The following PDE3A variants were observed in gnomAD, a reference collection of about 807,000 sequenced individuals.
The protein encoded by PDE3A is cGMP-inhibited 3',5'-cyclic phosphodiesterase 3A.
In PDE3A, 43 loss-of-function variants were observed where a neutral mutation model predicts 98.3. The observed-to-expected ratio is 0.44, with a 90% CI of 0.34 to 0.56. The LOEUF is 0.56. Ranked by LOEUF, PDE3A falls within the 20% of genes least tolerant of loss-of-function variation. The probability of loss-of-function intolerance (pLI) is 0.01; values close to 1 mark genes in which losing one functional copy is unlikely to be tolerated. For synonymous variants in PDE3A, 663 were observed against 567.9 expected (o/e 1.17, Z -2.38); for missense variants, 1,427 against 1,440.7 (o/e 0.99, Z 0.15).
rs146473366 is a variant in PDE3A, at chr12:20,429,848, C to G, written c.960+59604C>G. Among the ~76,000 whole-genome samples the G allele has an allele frequency of 2.7e-3, 393 of 143,236 alleles. 2 individuals carry two copies. Among genetic ancestry groups the G allele is most frequent in the Non-Finnish European group, 4.7e-3 (310 of 65,542 alleles). 94.0% of individuals were successfully genotyped at this position (143,236 alleles called of 152,430 possible). A position where few individuals can be genotyped will look rare whatever the true frequency, so the allele number is the denominator to read the frequency against. ...AACATCAAATCCATGTTCCATACAT[C>G]TTAGACACTGATTTTTTTTTTTATG... is the stretch of plus-strand genomic sequence containing the variant. On this transcript the variant is annotated intron_variant, in intron 1 of 15. Transcript: ENST00000359062.
At chr12:20,650,653 A>G in intron 14 of PDE3A, 53 bp downstream of exon 14, 1 of 1,164,390 alleles carries the variant, frequency 8.6e-7, no homozygotes, top group Non-Finnish European at 1.2e-6. Context: ...GTTGCTCATG[A>G]ATTGCTCAAA....
chr12:20,375,191 C>A (rs1294290162), intron 1 of PDE3A, among the ~76,000 whole-genome samples: 1 of 151,942 alleles, frequency 6.6e-6, no homozygotes, highest in Non-Finnish European at 1.5e-5. Flanking sequence ...TCTGAAGACC[C>A]TCAGAAAGTC....
At chr12:20,495,550 C>T (rs1207594584) in intron 1 of PDE3A, among the ~76,000 whole-genome samples, 1 of 151,940 alleles carries the variant, frequency 6.6e-6, no homozygotes, top group Non-Finnish European at 1.5e-5. Flanking sequence ...ATTAAGTTTT[C>T]AAAAACATTT....
rs928331664 is a variant in PDE3A, at chr12:20,439,445, A to T, written c.960+69201A>T. On this transcript the variant is annotated intron_variant, in intron 1 of 15. Coordinates refer to ENST00000359062, the MANE Select transcript of PDE3A (RefSeq NM_000921.5). Reference sequence around the variant, plus strand: ...GATTCTTTATATGCATGAAAGGGGAAATTATCATTATTTCTTAATAGTCTT... The same window carrying T: ...GATTCTTTATATGCATGAAAGGGGATATTATCATTATTTCTTAATAGTCTT... Among the ~76,000 whole-genome samples, 3 of 152,146 alleles carry T rather than the reference A, an allele frequency of 2.0e-5. No individual in the cohort carries two copies. In the East Asian group the frequency reaches 5.8e-4, roughly 29 times the overall value.
Position 20,370,009 on chromosome 12 carries a change from A to C in PDE3A, c.725A>C (p.Tyr242Ser). The C allele has an allele frequency of 6.2e-7, 1 of 1,612,920 alleles. No homozygotes were observed. Among genetic ancestry groups the C allele is most frequent in the Non-Finnish European group, 8.5e-7 (1 of 1,179,936 alleles). ...GTCGCCTGGAGACCTTACCTGGCGTACCTGGCCGGCGTGCTGGGGATCCTC... is the reference window on the plus strand; with the variant it reads ...GTCGCCTGGAGACCTTACCTGGCGTCCCTGGCCGGCGTGCTGGGGATCCTC... ...FKVAWRPYLA[Y>S]LAGVLGILLA... Residue 242 changes from tyrosine to serine, a missense_variant, in exon 1 of 16, where the codon TAC (tyrosine) becomes TCC (serine). Coordinates refer to ENST00000359062, the MANE Select transcript of PDE3A (RefSeq NM_000921.5).
intron 7 of PDE3A, among the ~76,000 whole-genome samples, chr12:20,634,133 T>A (rs777722578): frequency 6.6e-6 from 1 of 152,168 alleles, no homozygotes; most frequent in South Asian, 2.1e-4. Flanking sequence ...TTTATACATG[T>A]GTATATTTTT....
intron 15 of PDE3A, among the ~76,000 whole-genome samples, chr12:20,677,132 T>A (rs2120472367): frequency 6.6e-6 from 1 of 152,292 alleles, no homozygotes; most frequent in East Asian, 1.9e-4. Flanking sequence ...TTGTTAAAAC[T>A]TTTGAATGTA....
Position 20,482,638 on chromosome 12 carries a change from T to C in PDE3A, c.961-74022T>C, listed in dbSNP as rs182424284. ...GTTTTAGAGATAAGCACTTCTCAAC[T>C]TCTAACATAAAAAGAGAAGCTGGTG... On this transcript the variant is annotated intron_variant, in intron 1 of 15. Coordinates refer to ENST00000359062, the MANE Select transcript of PDE3A (RefSeq NM_000921.5). 2.0e-3 allele frequency among the ~76,000 whole-genome samples: 308 copies of C among 152,326 alleles called. 1 individual carries two copies. The highest frequency in any genetic ancestry group is 7.2e-3 in the South Asian group (35 of 4,828).
At chr12:20,604,882 T>G (rs993335646) in intron 2 of PDE3A, among the ~76,000 whole-genome samples, 4 of 152,170 alleles carry the variant, frequency 2.6e-5, no homozygotes, top group African/African-American at 9.7e-5. Flanking sequence ...ATATTTCATA[T>G]TTCATTGTAC....
At chr12:20,445,301 A>G (rs1464898693) in intron 1 of PDE3A, among the ~76,000 whole-genome samples, 1 of 152,170 alleles carries the variant, frequency 6.6e-6, no homozygotes, top group Non-Finnish European at 1.5e-5. Context: ...TTCACATCTT[A>G]AGGGAAATGA....
At chr12:20,557,432 G>T (rs1038635630) in intron 2 of PDE3A, among the ~76,000 whole-genome samples, 1 of 152,110 alleles carries the variant, frequency 6.6e-6, no homozygotes, top group African/African-American at 2.4e-5. Context: ...TTCTCTCATG[G>T]CAGGCTATGG....
intron 1 of PDE3A, among the ~76,000 whole-genome samples, chr12:20,465,336 C>G (rs1945323027): frequency 6.6e-6 from 1 of 152,122 alleles, no homozygotes. Context: ...TCTACCAACT[C>G]CCCAAGCTAA....
At chr12:20,659,962 A>G (rs1945125717) in intron 15 of PDE3A, among the ~76,000 whole-genome samples, 1 of 152,190 alleles carries the variant, frequency 6.6e-6, no homozygotes, top group African/African-American at 2.4e-5. Flanking sequence ...GTAAAGAGAA[A>G]AGTCCATATA....
At chr12:20,379,104 C>T (rs1344777066) in intron 1 of PDE3A, among the ~76,000 whole-genome samples, 2 of 151,732 alleles carry the variant, frequency 1.3e-5, no homozygotes, top group Admixed American at 6.6e-5. Context: ...GTTTCCTCCT[C>T]TCCAGGTATA....
intron 6 of PDE3A, among the ~76,000 whole-genome samples, chr12:20,633,265 C>T (rs1944423161): frequency 1.3e-5 from 2 of 152,000 alleles, no homozygotes; most frequent in Admixed American, 1.3e-4. Context: ...CAGCCTGGCC[C>T]ATAATGAGGC....
At chr12:20,597,072 G>A (rs974824467) in intron 2 of PDE3A, among the ~76,000 whole-genome samples, 1 of 152,116 alleles carries the variant, frequency 6.6e-6, no homozygotes, top group African/African-American at 2.4e-5. Context: ...AACCTTTTGT[G>A]TGCACTGCTT....
intron 1 of PDE3A, among the ~76,000 whole-genome samples, chr12:20,517,441 T>G (rs964156755): frequency 5.3e-5 from 8 of 152,206 alleles, no homozygotes; most frequent in African/African-American, 1.9e-4. Flanking sequence ...AAAAATGTTG[T>G]GTGATTATTG....
chr12:20,556,833 G>A, intron 2 of PDE3A, 123 bp downstream of exon 2: 1 of 749,948 alleles, frequency 1.3e-6, no homozygotes, highest in Middle Eastern at 2.3e-4. Context: ...CATGCCATTT[G>A]TTTTTATTTA....
chr12:20,668,641 G>C (rs1409737046), intron 15 of PDE3A, among the ~76,000 whole-genome samples: 2 of 150,834 alleles, frequency 1.3e-5, no homozygotes, highest in Admixed American at 6.6e-5. Flanking sequence ...TGAGGGTCCT[G>C]TCTGTTAGAA....
Sources: gnomAD v4.1 joint callset for allele counts (sites outside exome capture counted in the v4.1 genomes callset) on GRCh38, gnomAD v4.1.1 for gene constraint, MANE v1.5 for transcripts, NCBI Gene and HGNC (gene_info 2026-07-23, HGNC 2026-07-21) for gene names.